The following MAP3K1 variants were observed in gnomAD, a reference collection of about 807,000 sequenced individuals.
The protein encoded by MAP3K1 is mitogen-activated protein kinase kinase kinase 1.
In MAP3K1, 36 loss-of-function variants were observed where a neutral mutation model predicts 144.2. The ratio of observed to expected loss-of-function variants is 0.25; its 90% CI spans 0.19 to 0.33. MAP3K1 has a LOEUF of 0.33. MAP3K1 is among the 10% of genes least tolerant of loss of function. The pLI, the probability that MAP3K1 is intolerant of heterozygous loss-of-function variation, is 1.00. For synonymous variants in MAP3K1, 718 were observed against 688.7 expected (o/e 1.04, Z -0.67); for missense variants, 1,650 against 1,881.9 (o/e 0.88, Z 2.28).
At position 56,872,970 on chromosome 5, in the gene MAP3K1, C is replaced by G. The variant is rs1480557650; in HGVS notation, c.1651C>G (p.Pro551Ala). ...TCATTATGGAACTCAGCAAATCCCTCCTGCTTACAAAGATTTAGCTGAGCC... is the reference window on the plus strand; with the variant it reads ...TCATTATGGAACTCAGCAAATCCCTGCTGCTTACAAAGATTTAGCTGAGCC... ...LTHYGTQQIP[P>A]AYKDLAEPWI... The change falls in exon 9 of 20, where the codon CCT becomes GCT. Residue 551 changes from proline to alanine, a missense_variant. Pro to Ala is a conservative substitution (Grantham distance 27). Coordinates refer to ENST00000399503, the MANE Select transcript of MAP3K1 (RefSeq NM_005921.2). 5.6e-6 allele frequency: 9 copies of G among 1,614,004 alleles called. No homozygotes were observed. The highest frequency in any genetic ancestry group is 6.8e-6 in the Non-Finnish European group (8 of 1,179,970).
rs762662876 is a variant in MAP3K1 at position 56,864,962 on chromosome 5, ATTAG to A, written c.1035+30_1035+33del. The A allele has an allele frequency of 1.9e-6, 3 of 1,600,468 alleles. No individual in the cohort carries two copies. The African/African-American group carries it at 4.0e-5, about 21-fold the overall frequency. On this transcript the variant is annotated intron_variant, in intron 4 of 19. Transcript: ENST00000399503. ...AGGATTCGTCACCATTTTATACTTT[ATTAG>A]TAGTAGTATATGGTACTACCTCAAA... is the stretch of plus-strand genomic sequence containing the variant.
chr5:56,869,055 C>T (rs1747770233), intron 6 of MAP3K1, among the ~76,000 whole-genome samples: 2 of 151,620 alleles, frequency 1.3e-5, no homozygotes, highest in Non-Finnish European at 1.5e-5. Flanking sequence ...TGTTGACCAG[C>T]CTGGGCAACA....
At chr5:56,856,336 T>C (rs764883596) in intron 1 of MAP3K1, among the ~76,000 whole-genome samples, 8 of 152,180 alleles carry the variant, frequency 5.3e-5, no homozygotes, top group Non-Finnish European at 1.0e-4. Flanking sequence ...AATGCAGTCT[T>C]AGTGAATATA....
At chr5:56,858,385 A>G (rs1371506039) in intron 2 of MAP3K1, among the ~76,000 whole-genome samples, 1 of 152,238 alleles carries the variant, frequency 6.6e-6, no homozygotes, top group Non-Finnish European at 1.5e-5. Flanking sequence ...ACTTTCTAGC[A>G]AGTACCAAAG....
chr5:56,849,356 A>ATG (rs1747098139), intron 1 of MAP3K1, among the ~76,000 whole-genome samples: 3 of 145,868 alleles, frequency 2.1e-5, no homozygotes, highest in Non-Finnish European at 4.6e-5. Context: ...CTGTCTTTAA[A>ATG]AAAAAAAAAA....
intron 1 of MAP3K1, among the ~76,000 whole-genome samples, chr5:56,849,344 C>G (rs553971763): frequency 6.4e-4 from 77 of 121,088 alleles, no homozygotes; most frequent in African/African-American, 2.0e-3. Flanking sequence ...GCCAAACCCT[C>G]TCTGTCTTTA....
intron 1 of MAP3K1, among the ~76,000 whole-genome samples, chr5:56,828,497 A>G (rs1746386025): frequency 6.6e-6 from 1 of 152,246 alleles, no homozygotes; most frequent in East Asian, 1.9e-4. Context: ...AAACCTGGGT[A>G]ACAACTATAA....
intron 10 of MAP3K1, among the ~76,000 whole-genome samples, chr5:56,875,587 C>A (rs1201728692): frequency 6.6e-5 from 10 of 152,096 alleles, no homozygotes; most frequent in Non-Finnish European, 1.5e-4. Context: ...AGAATATAGT[C>A]ATGGTTTCTT....
rs1388884445 is a variant in MAP3K1, at chr5:56,815,764, A to G, written c.191A>G (p.Lys64Arg). 6 of 1,382,914 alleles carry G rather than the reference A, an allele frequency of 4.3e-6. No individual in the cohort carries two copies. The highest frequency in any genetic ancestry group is 1.6e-5 in the South Asian group (1 of 61,460). 85.7% of individuals were successfully genotyped at this position (1,382,914 alleles called of 1,614,324 possible). Residue 64 changes from lysine (K) to arginine (R), a missense_variant, in exon 1 of 20, where the codon AAA becomes AGA. Lys to Arg is a conservative substitution (Grantham distance 26). Transcript: ENST00000399503. ...GACTGGCGGCGGCGGCAGCTGCGCA[A>G]AGTGCGGAGTGTGGAGCTGGACCAG... Reference protein sequence around the residue: ...RADWRRRQLRKVRSVELDQLP... With the variant: ...RADWRRRQLRRVRSVELDQLP...
chr5:56,852,388 G>A (rs763923964), intron 1 of MAP3K1, among the ~76,000 whole-genome samples: 4 of 152,152 alleles, frequency 2.6e-5, no homozygotes, highest in Non-Finnish European at 5.9e-5. Context: ...GTTTTTAACA[G>A]GTGAGTTTTG....
Position 56,872,820 on chromosome 5 carries a change from T to C in MAP3K1, c.1506-5T>C. 6.2e-7 allele frequency: 1 copy of C among 1,614,158 alleles called. No homozygotes were observed. The highest frequency in any genetic ancestry group is 8.5e-7 in the Non-Finnish European group (1 of 1,179,990). ...TAAAGCAAGTTTTGTTATTTTTCAT[T>C]TTAGCCACGAGTTGTCAAGTCCTGT... On this transcript the variant is annotated splice_polypyrimidine_tract_variant and splice_region_variant and intron_variant, in intron 8 of 19. Transcript: ENST00000399503.
chr5:56,883,796 A>G (rs1748297720), intron 15 of MAP3K1, 117 bp downstream of exon 15: 1 of 1,088,572 alleles, frequency 9.2e-7, no homozygotes, highest in African/African-American at 1.6e-5. Context: ...AAACTTTGAG[A>G]AACTTAGTTT....
chr5:56,855,275 T>G (rs1018816710), intron 1 of MAP3K1, among the ~76,000 whole-genome samples: 2 of 152,080 alleles, frequency 1.3e-5, no homozygotes, highest in African/African-American at 4.8e-5. Context: ...CAAGCACATA[T>G]AAGTAAATTA....
rs1748678941 is a variant in MAP3K1 at position 56,895,552 on chromosome 5, ATTAC to A, written c.*1875_*1878del. The stretch of plus-strand genomic sequence containing the variant: ...AACTGAGGAACCTCAGCTAATCAGT[ATTAC>A]TTTGTAGATCACCATGCCCACCACA... On this transcript the variant is annotated 3_prime_UTR_variant, in exon 20 of 20. Coordinates refer to ENST00000399503, the MANE Select transcript of MAP3K1 (RefSeq NM_005921.2). 1 of 232,272 alleles carries A rather than the reference ATTAC, an allele frequency of 4.3e-6. No homozygotes were observed. Among genetic ancestry groups the A allele is most frequent in the East Asian group, 6.1e-5 (1 of 16,408 alleles). 14.4% of individuals were successfully genotyped at this position (232,272 alleles called of 1,614,324 possible). A position where few individuals can be genotyped will look rare whatever the true frequency, so the allele number is the denominator to read the frequency against.
At chr5:56,858,462 T>C (rs1289374851) in intron 2 of MAP3K1, among the ~76,000 whole-genome samples, 1 of 152,216 alleles carries the variant, frequency 6.6e-6, no homozygotes, top group Non-Finnish European at 1.5e-5. Flanking sequence ...GCATAACACA[T>C]AGTCCTTAAG....
chr5:56,821,811 T>C (rs908479663), intron 1 of MAP3K1, among the ~76,000 whole-genome samples: 1 of 152,242 alleles, frequency 6.6e-6, no homozygotes, highest in South Asian at 2.1e-4. Context: ...TCTGATTCTT[T>C]GCACCATCTC....
chr5:56,875,544 G>A (rs910148464), intron 10 of MAP3K1, among the ~76,000 whole-genome samples: 1 of 151,820 alleles, frequency 6.6e-6, no homozygotes, highest in Non-Finnish European at 1.5e-5. Flanking sequence ...TAGTTTCATT[G>A]TTTTAAAGGC....
chr5:56,866,366 C>T (rs748475861), intron 6 of MAP3K1, among the ~76,000 whole-genome samples: 3 of 151,960 alleles, frequency 2.0e-5, no homozygotes, highest in Non-Finnish European at 4.4e-5. Context: ...TATGATCGCA[C>T]CACTGCCTAG....
chr5:56,828,984 T>G (rs1245931786), intron 1 of MAP3K1, among the ~76,000 whole-genome samples: 1 of 152,136 alleles, frequency 6.6e-6, no homozygotes, highest in Non-Finnish European at 1.5e-5. Flanking sequence ...TTTCATGTAA[T>G]TTGGATAGAG....
Sources: gnomAD v4.1 joint callset for allele counts (sites outside exome capture counted in the v4.1 genomes callset) on GRCh38, gnomAD v4.1.1 for gene constraint, MANE v1.5 for transcripts, NCBI Gene and HGNC (gene_info 2026-07-23, HGNC 2026-07-21) for gene names.